UNC13C: variants seen among roughly 807,000 people sequenced by gnomAD.
UNC13C encodes unc-13 homolog C, also known as protein unc-13 homolog C.
Under a neutral mutation model 245.4 loss-of-function variants are expected in UNC13C, and 174 were observed. The ratio of observed to expected loss-of-function variants is 0.71; its 90% confidence interval spans 0.63 to 0.80. UNC13C has a LOEUF of 0.80. Among genes scored for constraint, UNC13C ranks in the 30% least tolerant of loss-of-function variants. The pLI, the probability that UNC13C is intolerant of heterozygous loss-of-function variation, is 0.00. For missense variants in UNC13C, 2,829 were observed against 2,602.9 expected (o/e 1.09, Z -1.89); for synonymous variants, 992 against 895.1 (o/e 1.11, Z -1.93).
At chr15:54,266,412 T>C (rs1204649135) in intron 10 of UNC13C, among the ~76,000 whole-genome samples, 3 of 151,962 alleles carry the variant, frequency 2.0e-5, no homozygotes, top group Non-Finnish European at 2.9e-5. Flanking sequence ...CGTGTTAAAA[T>C]AGAAGACAAG....
chr15:54,259,346 A>G (rs2036363963), intron 8 of UNC13C, among the ~76,000 whole-genome samples: 1 of 152,254 alleles, frequency 6.6e-6, no homozygotes, highest in South Asian at 2.1e-4. Context: ...GGTAATTTAT[A>G]AAGAAAAGAG....
At chr15:54,189,933 C>G (rs1409067173) in intron 4 of UNC13C, among the ~76,000 whole-genome samples, 1 of 152,032 alleles carries the variant, frequency 6.6e-6, no homozygotes, top group Non-Finnish European at 1.5e-5. Flanking sequence ...CAGGAAAAAA[C>G]TTAGAAACAT....
intron 19 of UNC13C, among the ~76,000 whole-genome samples, chr15:54,486,250 AACACACACACACACACACACAC>A (rs59221050): frequency 7.6e-6 from 1 of 131,996 alleles, no homozygotes; most frequent in African/African-American, 2.9e-5. Flanking sequence ...GATCTATTAA[AACACACACACACACACACACAC>A]ACACACACAC....
At chr15:54,578,126 A>G (rs1316376254) in intron 30 of UNC13C, among the ~76,000 whole-genome samples, 1 of 152,214 alleles carries the variant, frequency 6.6e-6, no homozygotes, top group Non-Finnish European at 1.5e-5. Flanking sequence ...CTGAAATCAG[A>G]TTAAGACAAC....
intron 30 of UNC13C, among the ~76,000 whole-genome samples, chr15:54,588,898 G>T (rs1898624862): frequency 6.6e-6 from 1 of 152,132 alleles, no homozygotes. Flanking sequence ...TGGGCATTTG[G>T]GTTGGTTCCA....
intron 22 of UNC13C, among the ~76,000 whole-genome samples, chr15:54,502,303 A>G (rs1044239002): frequency 6.6e-6 from 1 of 152,190 alleles, no homozygotes; most frequent in African/African-American, 2.4e-5. Flanking sequence ...TAATCAGAGC[A>G]TCTCAGAAGT....
the UNC13C span, among the ~76,000 whole-genome samples, chr15:53,945,864 T>G: frequency 6.6e-6 from 1 of 152,250 alleles, no homozygotes; most frequent in Non-Finnish European, 1.5e-5. Flanking sequence ...TGATAATGAT[T>G]CTTCCTATCC....
the UNC13C span, among the ~76,000 whole-genome samples, chr15:53,856,644 T>C: frequency 1.3e-5 from 2 of 152,218 alleles, no homozygotes; most frequent in Non-Finnish European, 1.5e-5. Flanking sequence ...TAGATTGCAC[T>C]GTGGTCTGAG....
chr15:53,890,308 A>AT, the UNC13C span, among the ~76,000 whole-genome samples: 25 of 151,956 alleles, frequency 1.6e-4, no homozygotes, highest in Non-Finnish European at 2.8e-4. Context: ...CGCCCAGCTA[A>AT]TTTTTTGTAT....
chr15:54,211,145 G>C (rs922576390), intron 4 of UNC13C, among the ~76,000 whole-genome samples: 7 of 152,102 alleles, frequency 4.6e-5, no homozygotes, highest in Non-Finnish European at 5.9e-5. Context: ...TTTCAAAGGA[G>C]CACTGAATTG....
chr15:54,210,832 A>G (rs1245705381), intron 4 of UNC13C, among the ~76,000 whole-genome samples: 1 of 152,126 alleles, frequency 6.6e-6, no homozygotes, highest in Non-Finnish European at 1.5e-5. Flanking sequence ...CCCAGTTCCC[A>G]CAGGATGACT....
the UNC13C span, among the ~76,000 whole-genome samples, chr15:53,890,842 G>GT: frequency 4.6e-5 from 7 of 151,846 alleles, no homozygotes; most frequent in African/African-American, 1.2e-4. Context: ...TTTTTGATGG[G>GT]TTTTTTGTGT....
At chr15:54,553,058 C>A (rs1896909195) in intron 28 of UNC13C, among the ~76,000 whole-genome samples, 1 of 30,636 alleles carries the variant, frequency 3.3e-5, no homozygotes, top group Non-Finnish European at 6.5e-5. Context: ...TTCTATATTA[C>A]AATATATAAT....
At chr15:53,925,235 C>T in the UNC13C span, among the ~76,000 whole-genome samples, 1 of 152,136 alleles carries the variant, frequency 6.6e-6, no homozygotes, top group Non-Finnish European at 1.5e-5. Flanking sequence ...CAGATAGTCT[C>T]TCATAGGGTA....
intron 4 of UNC13C, among the ~76,000 whole-genome samples, chr15:54,179,188 G>A (rs2033715418): frequency 6.6e-6 from 1 of 151,988 alleles, no homozygotes; most frequent in Admixed American, 6.6e-5. Flanking sequence ...TAGAAAAAAG[G>A]TAAGCTCAAC....
At chr15:54,280,794 A>G (rs1286669759) in intron 10 of UNC13C, among the ~76,000 whole-genome samples, 3 of 148,766 alleles carry the variant, frequency 2.0e-5, no homozygotes, top group Non-Finnish European at 3.0e-5. Flanking sequence ...ACATATATAT[A>G]TATATACTTT....
chr15:53,895,093 G>T, the UNC13C span, among the ~76,000 whole-genome samples: 1 of 151,982 alleles, frequency 6.6e-6, no homozygotes, highest in Non-Finnish European at 1.5e-5. Context: ...GCTGGGCGTG[G>T]TGGCTCATGC....
chr15:54,130,483 G>A (rs112172196), intron 2 of UNC13C, among the ~76,000 whole-genome samples: 28,577 of 151,474 alleles, frequency 0.19, 2,862 homozygotes, highest in South Asian at 0.28. Context: ...TAGTAGAGTC[G>A]AGGTTTCACC....
intron 1 of UNC13C, among the ~76,000 whole-genome samples, 95 bp from the exon 2 acceptor site, chr15:54,012,553 A>G (rs1280261393): frequency 6.6e-6 from 1 of 152,230 alleles, no homozygotes; most frequent in Admixed American, 6.5e-5. Context: ...AATTTTTCAC[A>G]CATTGTGTAT....
Sources: gnomAD v4.1 joint callset for allele counts (sites outside exome capture counted in the v4.1 genomes callset) on GRCh38, gnomAD v4.1.1 for gene constraint, MANE v1.5 for transcripts, NCBI Gene and HGNC (gene_info 2026-07-23, HGNC 2026-07-21) for gene names.